The following NETO2 variants were observed in gnomAD, a reference collection of about 807,000 sequenced individuals.
The protein encoded by NETO2 is neuropilin and tolloid-like protein 2.
Under a neutral mutation model 62.5 loss-of-function variants are expected in NETO2, and 28 were observed. That is an observed-to-expected ratio of 0.45 (90% CI 0.33 to 0.61). The LOEUF is 0.61. Among genes scored for constraint, NETO2 ranks in the 20% least tolerant of loss-of-function variants. The pLI, the probability that NETO2 is intolerant of heterozygous loss-of-function variation, is 0.02. For missense variants in NETO2, 548 were observed against 643.2 expected, an observed-to-expected ratio of 0.85 and a Z score of 1.60; for synonymous variants, 214 against 219.1, an observed-to-expected ratio of 0.98 and a Z score of 0.21.
chr16:47,109,907 C>A (rs1963756830), intron 6 of NETO2, among the ~76,000 whole-genome samples, 196 bp from the exon 7 acceptor site: 1 of 152,094 alleles, frequency 6.6e-6, no homozygotes, highest in African/African-American at 2.4e-5. Flanking sequence ...ATAATGGAAC[C>A]AAGCATTAAG....
chr16:47,136,553 G>A (rs1347645033), intron 1 of NETO2, among the ~76,000 whole-genome samples: 1 of 152,110 alleles, frequency 6.6e-6, no homozygotes, highest in Non-Finnish European at 1.5e-5. Flanking sequence ...CTACAGGCAT[G>A]CGCCACCACG....
intron 1 of NETO2, among the ~76,000 whole-genome samples, chr16:47,138,897 A>G (rs1332689618): frequency 6.6e-6 from 1 of 152,206 alleles, no homozygotes; most frequent in African/African-American, 2.4e-5. Flanking sequence ...CTCAAAACAC[A>G]TCAAGCTAAT....
intron 6 of NETO2, among the ~76,000 whole-genome samples, chr16:47,119,005 T>C (rs190769711): frequency 8.5e-5 from 13 of 152,198 alleles, no homozygotes; most frequent in Admixed American, 1.3e-4. Flanking sequence ...TTTTCCCCCA[T>C]TGTCATTTAT....
At chr16:47,131,911 C>A in intron 2 of NETO2, 58 bp downstream of exon 2, 1 of 1,425,102 alleles carries the variant, frequency 7.0e-7, no homozygotes, top group South Asian at 1.2e-5. Context: ...GCAATCCTTT[C>A]AAATAAGCCA....
chr16:47,087,759 C>T (rs892548192), intron 7 of NETO2, among the ~76,000 whole-genome samples: 1 of 152,010 alleles, frequency 6.6e-6, no homozygotes, highest in South Asian at 2.1e-4. Context: ...CTCTTTGTGG[C>T]GGCCACCTAC....
At chr16:47,101,022 C>T (rs145022889) in intron 7 of NETO2, among the ~76,000 whole-genome samples, 41 of 152,184 alleles carry the variant, frequency 2.7e-4, no homozygotes, top group Non-Finnish European at 5.1e-4. Flanking sequence ...AGGCCAATAT[C>T]CCTGATGAAC....
At chr16:47,138,620 A>G (rs892665659) in intron 1 of NETO2, among the ~76,000 whole-genome samples, 2 of 152,352 alleles carry the variant, frequency 1.3e-5, no homozygotes, top group East Asian at 3.9e-4. Flanking sequence ...AATTACTGAC[A>G]AATAGTTAAA....
intron 4 of NETO2, among the ~76,000 whole-genome samples, chr16:47,123,483 G>A (rs550132741): frequency 6.6e-6 from 1 of 151,894 alleles, no homozygotes; most frequent in South Asian, 2.1e-4. Context: ...TTCAGCCTAG[G>A]TGACAAAATG....
At chr16:47,137,136 T>C (rs932517847) in intron 1 of NETO2, among the ~76,000 whole-genome samples, 3 of 152,202 alleles carry the variant, frequency 2.0e-5, no homozygotes, top group Admixed American at 6.5e-5. Flanking sequence ...TGGTAGAATA[T>C]ATTAAGGCTC....
chr16:47,118,789 C>T (rs933051623), intron 6 of NETO2, among the ~76,000 whole-genome samples: 2 of 152,200 alleles, frequency 1.3e-5, no homozygotes, highest in East Asian at 3.8e-4. Flanking sequence ...GACATTAAAT[C>T]ATTGCATCTG....
At chr16:47,114,797 CTT>C (rs1199130476) in intron 6 of NETO2, among the ~76,000 whole-genome samples, 2 of 152,060 alleles carry the variant, frequency 1.3e-5, no homozygotes, top group African/African-American at 2.4e-5. Context: ...TCTAAGAACT[CTT>C]TGTCTAACCC....
chr16:47,126,283 C>T (rs1334543321), intron 4 of NETO2, among the ~76,000 whole-genome samples: 1 of 152,078 alleles, frequency 6.6e-6, no homozygotes, highest in East Asian at 1.9e-4. Flanking sequence ...AACCATGGTA[C>T]ATCTAGACAA....
chr16:47,128,599 G>A (rs1481406757), intron 3 of NETO2, 26 bp from the exon 4 acceptor site: 2 of 1,599,006 alleles, frequency 1.3e-6, no homozygotes, highest in Admixed American at 1.7e-5. Flanking sequence ...AAGCAAATCA[G>A]GACAACACAA....
intron 6 of NETO2, among the ~76,000 whole-genome samples, chr16:47,121,961 T>G (rs1023010104): frequency 2.6e-5 from 4 of 152,226 alleles, no homozygotes; most frequent in Non-Finnish European, 5.9e-5. Flanking sequence ...CAGGTTACCT[T>G]ATCTATCATA....
intron 1 of NETO2, among the ~76,000 whole-genome samples, chr16:47,138,166 C>A (rs914931556): frequency 3.3e-5 from 5 of 152,190 alleles, no homozygotes; most frequent in Non-Finnish European, 7.3e-5. Flanking sequence ...CTTTGCGAGG[C>A]TGAGGTGGGC....
chr16:47,115,674 C>T (rs969336538), intron 6 of NETO2, among the ~76,000 whole-genome samples: 2 of 133,454 alleles, frequency 1.5e-5, no homozygotes, highest in African/African-American at 6.7e-5. Context: ...ACTACAGCTG[C>T]AGCCACCATG....
intron 6 of NETO2, among the ~76,000 whole-genome samples, chr16:47,121,104 C>T (rs556457321): frequency 6.6e-5 from 10 of 152,132 alleles, no homozygotes; most frequent in Non-Finnish European, 1.3e-4. Flanking sequence ...TTTTAATAGC[C>T]ATACTTTTAA....
At chr16:47,135,513 A>G (rs903620198) in intron 1 of NETO2, among the ~76,000 whole-genome samples, 1 of 152,182 alleles carries the variant, frequency 6.6e-6, no homozygotes, top group African/African-American at 2.4e-5. Context: ...ACCATTTATG[A>G]TGTTACTCCT....
chr16:47,091,945 T>C (rs529275044), intron 7 of NETO2, among the ~76,000 whole-genome samples: 120 of 151,996 alleles, frequency 7.9e-4, no homozygotes, highest in African/African-American at 2.8e-3. Flanking sequence ...TGGGCTCAAG[T>C]GATCCTCCTG....
Sources: allele counts gnomAD v4.1 joint callset (sites outside exome capture counted in the v4.1 genomes callset), GRCh38; gene constraint gnomAD v4.1.1; transcripts MANE v1.5; gene names NCBI Gene and HGNC (gene_info 2026-07-23, HGNC 2026-07-21).